The following RGS6 variants were observed in gnomAD, a reference collection of about 807,000 sequenced individuals.
RGS6 encodes the protein regulator of G-protein signaling 6.
In RGS6, 30 loss-of-function variants were observed where a neutral mutation model predicts 78.5. The observed-to-expected ratio is 0.38, with a 90% confidence interval of 0.29 to 0.52. The LOEUF (loss-of-function observed/expected upper bound fraction) is 0.52, where lower values mean the gene tolerates loss of function less well. Among genes scored for constraint, RGS6 ranks in the 20% least tolerant of loss-of-function variants. The pLI, the probability that RGS6 is intolerant of heterozygous loss-of-function variation, is 0.85. For missense variants in RGS6, 495 were observed against 609.7 expected (o/e 0.81, Z 1.98); for synonymous variants, 206 against 206.0 (o/e 1.00, Z 0.00).
At chr14:71,960,989 T>C (rs2093152634) in intron 1 of RGS6, among the ~76,000 whole-genome samples, 1 of 152,244 alleles carries the variant, frequency 6.6e-6, no homozygotes, top group Non-Finnish European at 1.5e-5. Flanking sequence ...GACTTATCTG[T>C]ATATCCCCAG....
downstream of RGS6, among the ~76,000 whole-genome samples, chr14:72,569,113 T>G (rs200902033): frequency 5.4e-3 from 400 of 73,736 alleles, 1 homozygote; most frequent in African/African-American, 0.027. Flanking sequence ...TTCTCTGGGG[T>G]GTGTGTGTGT....
the RGS6 span, among the ~76,000 whole-genome samples, chr14:72,603,992 G>A: frequency 1.3e-5 from 2 of 152,176 alleles, no homozygotes; most frequent in African/African-American, 4.8e-5. Context: ...GGGAGAGAGA[G>A]TAATAGTATA....
At chr14:72,479,049 G>A (rs566016618) in intron 12 of RGS6, among the ~76,000 whole-genome samples, 5 of 152,204 alleles carry the variant, frequency 3.3e-5, no homozygotes, top group Admixed American at 6.5e-5. Context: ...TTAAAGCAAT[G>A]ACCAATTGCT....
At chr14:72,436,561 T>G (rs1340240735) in intron 3 of RGS6, among the ~76,000 whole-genome samples, 1 of 152,216 alleles carries the variant, frequency 6.6e-6, no homozygotes, top group Non-Finnish European at 1.5e-5. Flanking sequence ...ATGGTCTACA[T>G]CTTACTCCCC....
intron 2 of RGS6, among the ~76,000 whole-genome samples, chr14:72,153,520 C>A (rs1044002447): frequency 1.3e-5 from 2 of 152,296 alleles, no homozygotes; most frequent in South Asian, 4.2e-4. Flanking sequence ...ATTGGGGGAA[C>A]CTGCCCCCAG....
chr14:71,966,185 C>T (rs779010224), intron 2 of RGS6, among the ~76,000 whole-genome samples: 8 of 152,154 alleles, frequency 5.3e-5, no homozygotes, highest in Non-Finnish European at 8.8e-5. Context: ...TGAGTTTCTA[C>T]TCAGTTCTGT....
At chr14:72,381,889 A>G (rs940529967) in intron 3 of RGS6, among the ~76,000 whole-genome samples, 1 of 152,074 alleles carries the variant, frequency 6.6e-6, no homozygotes, top group Non-Finnish European at 1.5e-5. Flanking sequence ...GAAAGGATAT[A>G]AACGTCCTCT....
At chr14:72,261,737 T>TG (rs918527619) in intron 2 of RGS6, among the ~76,000 whole-genome samples, 8 of 152,122 alleles carry the variant, frequency 5.3e-5, no homozygotes, top group African/African-American at 7.2e-5. Context: ...TAACCATTTT[T>TG]GGGGGGGTTT....
At chr14:72,610,605 G>T in the RGS6 span, among the ~76,000 whole-genome samples, 31 of 152,212 alleles carry the variant, frequency 2.0e-4, no homozygotes, top group Non-Finnish European at 4.3e-4. Context: ...CCTGGTTGAG[G>T]TCTAGTTCTG....
chr14:71,952,198 A>G (rs2092385483), intron 1 of RGS6, among the ~76,000 whole-genome samples: 1 of 152,154 alleles, frequency 6.6e-6, no homozygotes, highest in Admixed American at 6.5e-5. Context: ...CTAATTTCCA[A>G]TCTCAGTGGG....
Position 72,474,484 on chromosome 14 carries a change from T to C in RGS6, c.619-141T>C, listed in dbSNP as rs1195124316. 8.3e-6 allele frequency: 6 copies of C among 725,756 alleles called. No individual in the cohort carries two copies. The Admixed American group carries it at 1.7e-4, about 21-fold the overall frequency. The allele number at this position is 725,756 out of a possible 1,614,324, so 45.0% of individuals were successfully genotyped here. On this transcript the variant is annotated intron_variant, in intron 9 of 17. Coordinates refer to ENST00000553525, the MANE Select transcript of RGS6 (RefSeq NM_001204424.2). ...TATGGGAACTCCACAGAGGAATGCA[T>C]ATTATGGCAAAATGGAAAAAAAAAT...
chr14:72,334,594 G>A lies in RGS6; in HGVS notation c.85-17501G>A, dbSNP rs1291181735. 6.6e-5 allele frequency among the ~76,000 whole-genome samples: 10 copies of A among 152,248 alleles called. 1 individual carries two copies. Among genetic ancestry groups the A allele is most frequent in the East Asian group, 5.8e-4 (3 of 5,184 alleles). ...GAATTCAGGGAGATGAGGGATGTCC[G>A]CCTGAAACACTTTTTTGCAGTAATG... On this transcript the variant is annotated intron_variant, in intron 2 of 17. Transcript: ENST00000553525.
chr14:72,171,850 G>C (rs2097024402), intron 2 of RGS6, among the ~76,000 whole-genome samples: 1 of 152,176 alleles, frequency 6.6e-6, no homozygotes, highest in Non-Finnish European at 1.5e-5. Flanking sequence ...GAGATAGGTA[G>C]TGTTATTATA....
intron 15 of RGS6, among the ~76,000 whole-genome samples, chr14:72,520,441 G>A (rs1171447821): frequency 6.6e-6 from 1 of 152,144 alleles, no homozygotes; most frequent in Non-Finnish European, 1.5e-5. Flanking sequence ...CTATCAGAAG[G>A]CACATGTCTA....
intron 2 of RGS6, among the ~76,000 whole-genome samples, chr14:72,102,586 G>A (rs1025011259): frequency 1.3e-5 from 2 of 152,174 alleles, no homozygotes; most frequent in African/African-American, 4.8e-5. Context: ...TCAAGGGCAT[G>A]TAGCTGCTAC....
chr14:72,084,210 T>C (rs4902984), intron 2 of RGS6, among the ~76,000 whole-genome samples: 144,015 of 152,260 alleles, frequency 0.95, 68,131 homozygotes, highest in Middle Eastern at 0.97. Context: ...TCATAAGGAG[T>C]GGGCAACCTA....
Position 72,281,003 on chromosome 14 carries a change from TGAAAA to T in RGS6, c.85-71088_85-71084del, listed in dbSNP as rs1292992820. ...CCTATGTAGGCAGATGTTTAGTTGA[TGAAAA>T]GAAGTGTAAACATGACCCTAATGAA... On this transcript the variant is annotated intron_variant, in intron 2 of 17. Transcript: ENST00000553525. 2.6e-5 allele frequency among the ~76,000 whole-genome samples: 4 copies of T among 152,310 alleles called. No homozygotes were observed. In the East Asian group the frequency reaches 5.8e-4, roughly 22 times the overall value.
intron 2 of RGS6, among the ~76,000 whole-genome samples, chr14:71,973,798 G>C (rs1192002520): frequency 1.3e-5 from 2 of 152,130 alleles, no homozygotes. Context: ...GGAAAAAACT[G>C]TTCTGTTTTC....
chr14:72,061,967 T>C (rs988009259), intron 2 of RGS6, among the ~76,000 whole-genome samples: 6 of 152,220 alleles, frequency 3.9e-5, no homozygotes. Context: ...AGACAGAGCC[T>C]CTGACTTTGT....
Sources: gnomAD v4.1 joint callset for allele counts (sites outside exome capture counted in the v4.1 genomes callset) on GRCh38, gnomAD v4.1.1 for gene constraint, MANE v1.5 for transcripts, NCBI Gene and HGNC (gene_info 2026-07-23, HGNC 2026-07-21) for gene names.